The following GPC5 variants were observed in gnomAD, a reference collection of about 807,000 sequenced individuals.
The protein encoded by GPC5 is glypican-5.
A neutral mutation model predicts 53.9 loss-of-function variants in GPC5; 47 were observed. The ratio of observed to expected loss-of-function variants is 0.87; its 90% CI spans 0.69 to 1.11. GPC5 has a LOEUF of 1.11. GPC5 is among the 50% of genes most tolerant of loss of function. The pLI is 0.00. For synonymous variants in GPC5, 286 were observed against 263.3 expected (o/e 1.09, Z -0.84); for missense variants, 748 against 713.1 (o/e 1.05, Z -0.56).
chr13:91,939,557 A>G (rs2039905354), intron 6 of GPC5, among the ~76,000 whole-genome samples: 1 of 152,160 alleles, frequency 6.6e-6, no homozygotes, highest in South Asian at 2.1e-4. Context: ...ACATGTGTAT[A>G]GTTTTCCCAA....
chr13:91,983,765 G>C (rs1279547708), intron 6 of GPC5, among the ~76,000 whole-genome samples: 1 of 152,146 alleles, frequency 6.6e-6, no homozygotes, highest in Non-Finnish European at 1.5e-5. Flanking sequence ...CTACTGTCCA[G>C]GGGTGACATG....
Position 91,512,967 on chromosome 13 carries a change from C to G in GPC5, c.325+64045C>G, listed in dbSNP as rs117216786. Among the ~76,000 whole-genome samples, 910 of 152,152 alleles carry G rather than the reference C, an allele frequency of 6.0e-3. 6 individuals are homozygous for G. Among genetic ancestry groups the G allele is most frequent in the Non-Finnish European group, 0.011 (729 of 68,014 alleles). On this transcript the variant is annotated intron_variant, in intron 2 of 7. Coordinates refer to ENST00000377067, the MANE Select transcript of GPC5 (RefSeq NM_004466.6). ...TTTTACATCTTAACCAGATACAGGT[C>G]TCATATTTATTTTCTTCACATTACA...
At chr13:91,484,869 A>G (rs1038086538) in intron 2 of GPC5, among the ~76,000 whole-genome samples, 37 of 152,350 alleles carry the variant, frequency 2.4e-4, no homozygotes, top group African/African-American at 8.7e-4. Flanking sequence ...GATTTTGGAT[A>G]TAGTGGCATA....
chr13:91,778,403 G>A (rs531174677), intron 5 of GPC5, among the ~76,000 whole-genome samples: 13 of 152,212 alleles, frequency 8.5e-5, no homozygotes, highest in African/African-American at 3.1e-4. Context: ...TAAGTTTCGT[G>A]TCCTGACAAA....
intron 6 of GPC5, among the ~76,000 whole-genome samples, chr13:91,967,936 T>TAAA (rs145644800): frequency 0.019 from 2,953 of 152,222 alleles, 92 homozygotes; most frequent in African/African-American, 0.067. Context: ...TCAATATTTT[T>TAAA]AAAATGTGTA....
intron 2 of GPC5, among the ~76,000 whole-genome samples, chr13:91,526,474 G>A (rs1439871755): frequency 1.3e-5 from 2 of 152,128 alleles, no homozygotes; most frequent in African/African-American, 4.8e-5. Flanking sequence ...TATCAGAAGT[G>A]GAATACTGTC....
intron 7 of GPC5, among the ~76,000 whole-genome samples, chr13:92,753,944 G>A (rs1874720674): frequency 1.3e-5 from 2 of 151,878 alleles, no homozygotes. Context: ...AATCTAGCAA[G>A]CAGGCCAACG....
chr13:91,705,555 C>G (rs2036080075), intron 3 of GPC5, among the ~76,000 whole-genome samples: 2 of 152,112 alleles, frequency 1.3e-5, no homozygotes, highest in Admixed American at 1.3e-4. Context: ...CTCATTTCAT[C>G]AGATCAGCAG....
chr13:92,562,838 A>G (rs943809295), intron 7 of GPC5, among the ~76,000 whole-genome samples: 1 of 152,016 alleles, frequency 6.6e-6, no homozygotes, highest in Non-Finnish European at 1.5e-5. Context: ...CATTCATACT[A>G]TGAGTTTAAA....
At chr13:91,803,391 T>A (rs1356664973) in intron 5 of GPC5, among the ~76,000 whole-genome samples, 2 of 152,212 alleles carry the variant, frequency 1.3e-5, no homozygotes, top group East Asian at 3.8e-4. Flanking sequence ...ATAGTTAACC[T>A]AAGTATTATT....
Position 92,106,505 on chromosome 13 carries a change from C to T in GPC5, c.1402-38325C>T, listed in dbSNP as rs551328238. ...TTTCACTCACGAAACATGCTTAAGA[C>T]AATTTTATATATGAATTGAATCATA... is the stretch of plus-strand genomic sequence containing the variant. On this transcript the variant is annotated intron_variant, in intron 6 of 7. Coordinates refer to ENST00000377067, the MANE Select transcript of GPC5 (RefSeq NM_004466.6). Among the ~76,000 whole-genome samples the T allele has an allele frequency of 2.5e-4, 38 of 151,958 alleles. No individual in the cohort carries two copies. The South Asian group carries it at 6.9e-3, about 27-fold the overall frequency.
chr13:92,079,565 G>A (rs973150374), intron 6 of GPC5, among the ~76,000 whole-genome samples: 1 of 152,168 alleles, frequency 6.6e-6, no homozygotes, highest in East Asian at 1.9e-4. Flanking sequence ...TTAACTCAGT[G>A]TCTGCCATGC....
intron 7 of GPC5, among the ~76,000 whole-genome samples, chr13:92,792,268 A>G (rs563717744): frequency 1.3e-5 from 2 of 152,088 alleles, no homozygotes; most frequent in East Asian, 1.9e-4. Flanking sequence ...CATTCTTAAA[A>G]AGAATTTTCA....
At chr13:91,772,764 C>T (rs1458571749) in intron 5 of GPC5, among the ~76,000 whole-genome samples, 1 of 152,090 alleles carries the variant, frequency 6.6e-6, no homozygotes, top group African/African-American at 2.4e-5. Context: ...AAAGTGTGGT[C>T]CCCAAATTCT....
intron 6 of GPC5, among the ~76,000 whole-genome samples, chr13:92,030,743 T>C (rs1020454244): frequency 6.6e-5 from 10 of 152,188 alleles, no homozygotes; most frequent in Non-Finnish European, 1.0e-4. Flanking sequence ...AAGTGCGCAC[T>C]GGCGTAGAGC....
chr13:91,503,931 A>G (rs1884801758), intron 2 of GPC5, among the ~76,000 whole-genome samples: 3 of 151,516 alleles, frequency 2.0e-5, no homozygotes, highest in Admixed American at 6.6e-5. Flanking sequence ...AGTAATATTG[A>G]TGTAAAAATA....
At chr13:91,617,921 C>A (rs2033742224) in intron 2 of GPC5, among the ~76,000 whole-genome samples, 1 of 152,080 alleles carries the variant, frequency 6.6e-6, no homozygotes, top group African/African-American at 2.4e-5. Flanking sequence ...TCGCTGATTT[C>A]CAATAAAACT....
chr13:92,159,906 T>A (rs919500228), intron 7 of GPC5, among the ~76,000 whole-genome samples: 3 of 147,068 alleles, frequency 2.0e-5, no homozygotes, highest in Admixed American at 6.8e-5. Flanking sequence ...CCGGTCCCAA[T>A]GTTCTTTTTT....
At chr13:91,692,076 T>C (rs1388584051) in intron 2 of GPC5, among the ~76,000 whole-genome samples, 1 of 152,246 alleles carries the variant, frequency 6.6e-6, no homozygotes, top group African/African-American at 2.4e-5. Context: ...TCCAACTTTC[T>C]ATTTTTAGAT....
Sources: gnomAD v4.1 joint callset for allele counts (sites outside exome capture counted in the v4.1 genomes callset) on GRCh38, gnomAD v4.1.1 for gene constraint, MANE v1.5 for transcripts, NCBI Gene and HGNC (gene_info 2026-07-23, HGNC 2026-07-21) for gene names.